The following GRID2 variants were observed in gnomAD, a reference collection of about 807,000 sequenced individuals.
GRID2 encodes glutamate ionotropic receptor delta type subunit 2, also known as glutamate receptor ionotropic, delta-2.
A neutral mutation model predicts 114.8 loss-of-function variants in GRID2; 33 were observed. The observed-to-expected ratio is 0.29, with a 90% CI of 0.22 to 0.38. GRID2 has a LOEUF of 0.38. GRID2 is among the 10% of genes least tolerant of loss of function. GRID2 has a pLI of 1.00. For synonymous variants in GRID2, 505 were observed against 449.9 expected (o/e 1.12, Z -1.55); for missense variants, 1,184 against 1,257.7 (o/e 0.94, Z 0.89).
chr4:92,900,856 A>G (rs1317054813), intron 2 of GRID2, among the ~76,000 whole-genome samples: 2 of 148,834 alleles, frequency 1.3e-5, no homozygotes, highest in African/African-American at 5.0e-5. Context: ...AAAAAAAAAA[A>G]AAGATAATGC....
chr4:93,016,782 A>G (rs1007742472), intron 2 of GRID2, among the ~76,000 whole-genome samples: 8 of 152,216 alleles, frequency 5.3e-5, no homozygotes, highest in African/African-American at 1.9e-4. Flanking sequence ...GCCATATTAG[A>G]TATCAAGTCA....
intron 2 of GRID2, among the ~76,000 whole-genome samples, chr4:92,700,585 A>C (rs199773015): frequency 1.3e-5 from 2 of 152,204 alleles, no homozygotes; most frequent in Non-Finnish European, 2.9e-5. Context: ...CAAAATGAGT[A>C]AGCACCTACT....
chr4:92,349,245 A>G (rs1727938647), intron 1 of GRID2, among the ~76,000 whole-genome samples: 1 of 152,056 alleles, frequency 6.6e-6, no homozygotes, highest in African/African-American at 2.4e-5. Flanking sequence ...GAGATAGGGT[A>G]GTTTTAATGA....
chr4:92,774,014 A>G (rs1560584145), intron 2 of GRID2, among the ~76,000 whole-genome samples: 1 of 152,190 alleles, frequency 6.6e-6, no homozygotes, highest in Non-Finnish European at 1.5e-5. Context: ...TTTATACACA[A>G]GTGATGGGGA....
intron 2 of GRID2, among the ~76,000 whole-genome samples, chr4:92,911,979 C>G (rs1325164626): frequency 2.6e-5 from 4 of 151,624 alleles, no homozygotes. Context: ...AAGATGCCTA[C>G]TTTATCAGCA....
At chr4:92,418,067 C>G (rs1731706749) in intron 1 of GRID2, among the ~76,000 whole-genome samples, 1 of 152,036 alleles carries the variant, frequency 6.6e-6, no homozygotes, top group African/African-American at 2.4e-5. Context: ...TGAGAAGAGA[C>G]TAATACAGTT....
At chr4:93,616,991 CAAA>C (rs373179529) in intron 13 of GRID2, among the ~76,000 whole-genome samples, 1 of 106,674 alleles carries the variant, frequency 9.4e-6, no homozygotes. Flanking sequence ...GATTCCATCT[CAAA>C]AAAAAAAAAA....
At chr4:93,409,030 G>T (rs1766831349) in intron 9 of GRID2, among the ~76,000 whole-genome samples, 1 of 152,128 alleles carries the variant, frequency 6.6e-6, no homozygotes, top group Non-Finnish European at 1.5e-5. Flanking sequence ...AGTAGGGGTA[G>T]CAAAATAATT....
At chr4:92,426,258 C>G (rs1010129916) in intron 1 of GRID2, among the ~76,000 whole-genome samples, 1 of 151,984 alleles carries the variant, frequency 6.6e-6, no homozygotes, top group Non-Finnish European at 1.5e-5. Flanking sequence ...ACTGAAATAC[C>G]TAGAATAACA....
chr4:92,470,508 G>A (rs1194958132), intron 1 of GRID2, among the ~76,000 whole-genome samples: 3 of 151,886 alleles, frequency 2.0e-5, no homozygotes, highest in African/African-American at 4.8e-5. Flanking sequence ...TTTTATTTCT[G>A]TAATGTCAAA....
intron 4 of GRID2, among the ~76,000 whole-genome samples, chr4:93,119,972 C>A (rs555449482): frequency 6.6e-6 from 1 of 152,112 alleles, no homozygotes; most frequent in East Asian, 1.9e-4. Flanking sequence ...ATGGACAGAT[C>A]GCAAAAATGT....
At chr4:93,269,043 A>G (rs573996351) in intron 8 of GRID2, among the ~76,000 whole-genome samples, 5 of 152,286 alleles carry the variant, frequency 3.3e-5, no homozygotes, top group Admixed American at 3.3e-4. Flanking sequence ...CAGATATGTA[A>G]TTTTGAAATA....
intron 2 of GRID2, among the ~76,000 whole-genome samples, chr4:93,028,763 A>G (rs1054943897): frequency 6.6e-6 from 1 of 152,028 alleles, no homozygotes; most frequent in Admixed American, 6.6e-5. Flanking sequence ...ATTTTACTCC[A>G]GGCCTAGAAA....
intron 2 of GRID2, among the ~76,000 whole-genome samples, chr4:92,762,136 A>T (rs1415112891): frequency 6.6e-6 from 1 of 151,992 alleles, no homozygotes; most frequent in Non-Finnish European, 1.5e-5. Context: ...GATGGTCTCC[A>T]TCTCCTGAAC....
chr4:92,786,363 TGA>T (rs372235043), intron 2 of GRID2, among the ~76,000 whole-genome samples: 3 of 151,822 alleles, frequency 2.0e-5, no homozygotes, highest in Admixed American at 6.6e-5. Flanking sequence ...GCTTTGAAAA[TGA>T]GAGAGTTTGA....
At chr4:92,540,438 A>G (rs1725880196) in intron 1 of GRID2, among the ~76,000 whole-genome samples, 1 of 152,208 alleles carries the variant, frequency 6.6e-6, no homozygotes, top group South Asian at 2.1e-4. Flanking sequence ...TAGAACTCAA[A>G]CAAATTTACA....
intron 2 of GRID2, among the ~76,000 whole-genome samples, chr4:92,713,802 T>G (rs990209725): frequency 6.6e-6 from 1 of 151,816 alleles, no homozygotes; most frequent in African/African-American, 2.4e-5. Context: ...AGGAAAGACC[T>G]GCCCCCATGA....
In GRID2 at chr4:92,657,200, C is replaced by T. The variant is rs112557141; in HGVS notation, c.244+66914C>T. On this transcript the variant is annotated intron_variant, in intron 2 of 15. Transcript: ENST00000282020. ...GGTGAAAGAAGGCTCCAGGGCATCA[C>T]TTACTACTTTTATCAATATACCATC... Among the ~76,000 whole-genome samples, 4 of 150,732 alleles carry T rather than the reference C, an allele frequency of 2.7e-5. 1 individual carries two copies. The highest frequency in any genetic ancestry group is 6.6e-5 in the Admixed American group (1 of 15,128).
chr4:92,970,046 A>G (rs776546686), intron 2 of GRID2, among the ~76,000 whole-genome samples: 46 of 151,946 alleles, frequency 3.0e-4, no homozygotes, highest in Non-Finnish European at 5.6e-4. Flanking sequence ...TTCTAGCCAA[A>G]TGTTTTCATT....
Sources: gnomAD v4.1 joint callset for allele counts (sites outside exome capture counted in the v4.1 genomes callset) on GRCh38, gnomAD v4.1.1 for gene constraint, MANE v1.5 for transcripts, NCBI Gene and HGNC (gene_info 2026-07-23, HGNC 2026-07-21) for gene names.